UNC79: variants seen among roughly 807,000 people sequenced by gnomAD.
The protein encoded by UNC79 is unc-79 subunit of NALCN channel complex.
UNC79 carries 37 observed loss-of-function variants against 283.1 expected under a neutral mutation model. The ratio of observed to expected loss-of-function variants is 0.13; its 90% confidence interval spans 0.10 to 0.17. The LOEUF is 0.17. Ranked by LOEUF, UNC79 falls within the 10% of genes least tolerant of loss-of-function variation. The pLI is 1.00. For missense variants in UNC79, 2,272 were observed against 3,211.1 expected (o/e 0.71, Z 7.07); for synonymous variants, 1,107 against 1,200.2 (o/e 0.92, Z 1.61).
At chr14:93,444,240 T>A (rs1003891136) in intron 1 of UNC79, among the ~76,000 whole-genome samples, 1 of 152,202 alleles carries the variant, frequency 6.6e-6, no homozygotes, top group Admixed American at 6.5e-5. Context: ...TATTTGTATA[T>A]CTTCTTTTGG....
chr14:93,339,202 C>T (rs2053646540), intron 1 of UNC79, among the ~76,000 whole-genome samples: 1 of 152,178 alleles, frequency 6.6e-6, no homozygotes, highest in South Asian at 2.1e-4. Context: ...GAGACAACCC[C>T]CAACCAGATT....
At chr14:93,653,613 A>T in intron 35 of UNC79, 129 bp from the exon 39 acceptor site, 3 of 810,702 alleles carry the variant, frequency 3.7e-6, no homozygotes, top group Non-Finnish European at 6.0e-6. Flanking sequence ...ATTTCATTTC[A>T]CTGATGAACA....
At chr14:93,426,788 A>G (rs1326108530), upstream of UNC79, among the ~76,000 whole-genome samples, 1 of 152,048 alleles carries the variant, frequency 6.6e-6, no homozygotes, top group Non-Finnish European at 1.5e-5. Flanking sequence ...CACTGCACTG[A>G]GCAGACTTAC....
At chr14:93,341,765 T>C (rs1424868555) in intron 1 of UNC79, among the ~76,000 whole-genome samples, 1 of 152,146 alleles carries the variant, frequency 6.6e-6, no homozygotes, top group East Asian at 1.9e-4. Context: ...ACCATCTAAA[T>C]GAACCCCTCC....
In UNC79 at chr14:93,348,188, C is replaced by G. The variant is rs1047640581; in HGVS notation, c.-351+14665C>G. 10 of 953,194 alleles carry G rather than the reference C, an allele frequency of 1.0e-5. 2 individuals carry two copies. In the South Asian group the frequency reaches 1.2e-4, roughly 11 times the overall value. The allele number at this position is 953,194 out of a possible 1,614,324, so 59.0% of individuals were successfully genotyped here. A position where few individuals can be genotyped will look rare whatever the true frequency, so the allele number is the denominator to read the frequency against. ...TCAGAAAAAGCTGTGTTTTTGTTAA[C>G]GAGCAAAATTGCCTAGTTGAGTTGA... On this transcript the variant is annotated intron_variant, in intron 1 of 49. Transcript: ENST00000256339.
At chr14:93,495,393 G>A (rs949282094) in intron 5 of UNC79, among the ~76,000 whole-genome samples, 1 of 152,118 alleles carries the variant, frequency 6.6e-6, no homozygotes, top group African/African-American at 2.4e-5. Flanking sequence ...ACTATCACGG[G>A]AACAGCATGG....
intron 10 of UNC79, among the ~76,000 whole-genome samples, chr14:93,530,805 A>G (rs983501321): frequency 2.6e-5 from 4 of 152,110 alleles, no homozygotes. Context: ...GCTACTCGGG[A>G]GGCTGAGGCA....
At chr14:93,450,016 A>C (rs1278077322) in intron 1 of UNC79, among the ~76,000 whole-genome samples, 1 of 152,222 alleles carries the variant, frequency 6.6e-6, no homozygotes, top group East Asian at 1.9e-4. Context: ...TCTGGGACAC[A>C]ATCTAAATTC....
At chr14:93,629,571 G>C (rs917650133) in intron 30 of UNC79, among the ~76,000 whole-genome samples, 6 of 152,108 alleles carry the variant, frequency 3.9e-5, no homozygotes, top group African/African-American at 7.2e-5. Flanking sequence ...TACTTGAAAG[G>C]CCTCTGAGAA....
chr14:93,595,253 C>A (rs1029481497), intron 23 of UNC79, among the ~76,000 whole-genome samples: 1 of 151,948 alleles, frequency 6.6e-6, no homozygotes, highest in African/African-American at 2.4e-5. Context: ...CCACACCCGG[C>A]TAATTTTTGT....
intron 41 of UNC79, among the ~76,000 whole-genome samples, chr14:93,682,020 G>T (rs1595050524): frequency 1.3e-5 from 2 of 152,300 alleles, no homozygotes; most frequent in East Asian, 3.9e-4. Flanking sequence ...GTTGAGAAAT[G>T]GACCCATAAG....
chr14:93,551,834 G>A (rs1406786969), intron 14 of UNC79, among the ~76,000 whole-genome samples: 1 of 152,104 alleles, frequency 6.6e-6, no homozygotes, highest in African/African-American at 2.4e-5. Flanking sequence ...TTATTCTTAA[G>A]GAAAAAGGGC....
At chr14:93,646,194 A>G (rs1004500448) in intron 34 of UNC79, among the ~76,000 whole-genome samples, 2 of 152,058 alleles carry the variant, frequency 1.3e-5, no homozygotes, top group Non-Finnish European at 2.9e-5. Flanking sequence ...CCTGTTATCT[A>G]TTTTACTATC....
intron 7 of UNC79, among the ~76,000 whole-genome samples, chr14:93,499,258 A>C (rs2059172065): frequency 1.3e-5 from 2 of 152,226 alleles, no homozygotes; most frequent in Admixed American, 6.5e-5. Context: ...AAGTGTTGGT[A>C]AGTGAATGAT....
At chr14:93,660,557 A>ATGTGTGTG (rs1182026717) in intron 39 of UNC79, among the ~76,000 whole-genome samples, 1 of 87,774 alleles carries the variant, frequency 1.1e-5, no homozygotes, top group African/African-American at 5.1e-5. Flanking sequence ...ATATATATAT[A>ATGTGTGTG]TATATATGTG....
chr14:93,656,544 C>T (rs2070955686), intron 38 of UNC79, among the ~76,000 whole-genome samples: 1 of 152,078 alleles, frequency 6.6e-6, no homozygotes, highest in Non-Finnish European at 1.5e-5. Context: ...GTCCCAGCTA[C>T]TTGGGAGGCT....
At chr14:93,598,975 A>G (rs1040213872) in intron 24 of UNC79, among the ~76,000 whole-genome samples, 1 of 152,220 alleles carries the variant, frequency 6.6e-6, no homozygotes, top group Non-Finnish European at 1.5e-5. Context: ...TTTAGTGGAG[A>G]CACCAAGTCT....
At chr14:93,622,946 G>A in intron 30 of UNC79, 105 bp downstream of exon 32, 1 of 1,421,100 alleles carries the variant, frequency 7.0e-7, no homozygotes, top group Non-Finnish European at 9.5e-7. Context: ...CTCTTATAAT[G>A]TCAGGGTGTG....
Position 93,580,203 on chromosome 14 carries a change from G to A in UNC79, c.2488G>A (p.Asp830Asn), listed in dbSNP as rs747036519. The A allele has an allele frequency of 3.7e-6, 6 of 1,614,050 alleles. No homozygotes were observed. In the South Asian group the frequency reaches 4.4e-5, roughly 12 times the overall value. Residue 830 changes from aspartate (D) to asparagine (N), a missense_variant, in exon 19 of 49, where the codon GAC becomes AAC. By Grantham distance (23) the Asp-to-Asn change is conservative (BLOSUM62 1). This residue lies in a region of UNC79 where 356 missense variants were observed against 416.2 expected (regional missense o/e 0.86). Coordinates refer to ENST00000555664, the Ensembl canonical transcript of UNC79. ...GGGTTTAGAGCACAGCTTATCAAAG[G>A]ACATTATTTCTATTATAAACAATGT... is the stretch of plus-strand genomic sequence containing the variant.
Sources: gnomAD v4.1 joint callset for allele counts (sites outside exome capture counted in the v4.1 genomes callset) on GRCh38, gnomAD v4.1.1 for gene constraint, gnomAD v4.1.1 regional missense constraint, MANE v1.5 for transcripts, NCBI Gene and HGNC (gene_info 2026-07-23, HGNC 2026-07-21) for gene names.